The following OTC variants were observed in gnomAD, a reference collection of about 807,000 sequenced individuals.
OTC encodes ornithine transcarbamylase.
A neutral mutation model predicts 30.3 loss-of-function variants in OTC; 3 were observed. The observed-to-expected ratio is 0.10, with a 90% CI of 0.05 to 0.26. OTC has a LOEUF of 0.26. Ranked by LOEUF, OTC falls within the 10% of genes least tolerant of loss-of-function variation. OTC has a pLI of 1.00. For synonymous variants in OTC, 111 were observed against 99.7 expected (o/e 1.11, Z -0.67); for missense variants, 194 against 260.3 (o/e 0.75, Z 1.75).
At chrX:38,405,866 A>G (rs1006494875) in intron 6 of OTC, among the ~76,000 whole-genome samples, 1 of 112,248 alleles carries the variant, frequency 8.9e-6, no homozygotes, top group African/African-American at 3.2e-5. Context: ...TATTAATGCA[A>G]ACTCTTATTG....
At chrX:38,332,504 TTATATATA>T in the OTC span, among the ~76,000 whole-genome samples, 64 of 39,359 alleles carry the variant, frequency 1.6e-3, 2 homozygotes, top group South Asian at 4.4e-3. Context: ...GCCCTAGATT[TTATATATA>T]TATATATATA....
chrX:38,369,555 T>A (rs969538069), intron 2 of OTC, among the ~76,000 whole-genome samples: 1 of 106,964 alleles, frequency 9.3e-6, no homozygotes, highest in Non-Finnish European at 1.9e-5. Context: ...GAGATGGGGT[T>A]TTGCCATGTT....
At chrX:38,359,710 C>G (rs1047966462) in intron 1 of OTC, among the ~76,000 whole-genome samples, 3 of 110,100 alleles carry the variant, frequency 2.7e-5, no homozygotes, top group African/African-American at 9.9e-5. Flanking sequence ...CATGAGCCAC[C>G]GCACCCGGCT....
intron 4 of OTC, among the ~76,000 whole-genome samples, chrX:38,394,068 C>CAA (rs2068442628): frequency 8.9e-6 from 1 of 112,226 alleles, no homozygotes; most frequent in Non-Finnish European, 1.9e-5. Context: ...TATGAATCTT[C>CAA]AAAATTCCTT....
At chrX:38,411,395 G>A (rs980287605) in intron 8 of OTC, among the ~76,000 whole-genome samples, 3 of 109,035 alleles carry the variant, frequency 2.8e-5, no homozygotes, top group Non-Finnish European at 3.8e-5. Context: ...TGCCAGACAC[G>A]GTGGCTCATG....
intron 2 of OTC, among the ~76,000 whole-genome samples, chrX:38,368,939 G>A (rs988924168): frequency 9.2e-6 from 1 of 108,391 alleles, no homozygotes; most frequent in Non-Finnish European, 1.9e-5. Context: ...AGAGGAAGGA[G>A]GAAGCGCCCC....
chrX:38,412,046 A>T (rs202028899), intron 9 of OTC, 47 bp downstream of exon 9: 2 of 1,170,113 alleles, frequency 1.7e-6, no homozygotes. Flanking sequence ...GTGTGGTTCC[A>T]ACTTGGTCAT....
intron 3 of OTC, among the ~76,000 whole-genome samples, chrX:38,370,162 A>G (rs968886226): frequency 3.5e-4 from 39 of 112,862 alleles, no homozygotes; most frequent in Non-Finnish European, 7.1e-4. Context: ...ACACATTTTC[A>G]GGCCTTGAAC....
chrX:38,377,403 C>T (rs1156470259), intron 3 of OTC, among the ~76,000 whole-genome samples: 1 of 110,985 alleles, frequency 9.0e-6, no homozygotes, highest in Non-Finnish European at 1.9e-5. Flanking sequence ...TCTTAAAGAA[C>T]TGGAAAAGCA....
chrX:38,348,599 C>T (rs2147313721), upstream of OTC, among the ~76,000 whole-genome samples: 1 of 97,401 alleles, frequency 1.0e-5, no homozygotes, highest in South Asian at 5.2e-4. Context: ...TGCAGTGGCG[C>T]AATCTCGGCT....
chrX:38,416,293 C>T (rs1304645174), intron 9 of OTC, among the ~76,000 whole-genome samples: 1 of 111,120 alleles, frequency 9.0e-6, no homozygotes, highest in Non-Finnish European at 1.9e-5. Context: ...TCACTAATCG[C>T]ATCATTCTCT....
At chrX:38,358,533 C>A (rs1383091710) in intron 1 of OTC, among the ~76,000 whole-genome samples, 1 of 110,771 alleles carries the variant, frequency 9.0e-6, no homozygotes, top group Non-Finnish European at 1.9e-5. Flanking sequence ...GCCCCACCTC[C>A]TGGATGGAAT....
chrX:38,385,018 A>G (rs962656540), intron 4 of OTC, among the ~76,000 whole-genome samples: 6 of 111,161 alleles, frequency 5.4e-5, no homozygotes, highest in African/African-American at 2.0e-4. Context: ...TAATCCTAGC[A>G]CTTTGGGAAG....
In OTC at chrX:38,369,849, T is replaced by C. The variant is rs72554342; in HGVS notation, c.270T>C (p.Ser90=). The change falls in exon 3 of 10, where the codon AGT becomes AGC. Residue 90 remains serine (S), a synonymous_variant. Coordinates refer to ENST00000039007, the MANE Select transcript of OTC (RefSeq NM_000531.6). ...TAGGCATGATTTTTGAGAAAAGAAG[T>C]ACTCGAACAAGATTGTCTACAGAAA... The part of the protein sequence containing the change: ...KSLGMIFEKR[S]TRTRLSTETG... 5.0e-6 allele frequency: 6 copies of C among 1,198,207 alleles called. No homozygotes were observed. Among genetic ancestry groups the C allele is most frequent in the Admixed American group, 4.4e-5 (2 of 45,721 alleles).
intron 4 of OTC, among the ~76,000 whole-genome samples, chrX:38,399,556 C>T: frequency 9.0e-6 from 1 of 110,681 alleles, no homozygotes; most frequent in African/African-American, 3.3e-5. Flanking sequence ...TGAGACCAGC[C>T]TGGCCAACAT....
chrX:38,369,420 T>C (rs888437018), intron 2 of OTC, among the ~76,000 whole-genome samples: 5 of 110,287 alleles, frequency 4.5e-5, no homozygotes, highest in African/African-American at 1.7e-4. Context: ...AGATCTTGGC[T>C]CACTGCAACC....
intron 9 of OTC, among the ~76,000 whole-genome samples, chrX:38,417,387 A>G (rs1333006732): frequency 9.0e-6 from 1 of 111,497 alleles, no homozygotes; most frequent in African/African-American, 3.3e-5. Context: ...TTCATATGAA[A>G]AATGAGGATA....
chrX:38,405,643 A>G (rs1400676642), intron 6 of OTC, among the ~76,000 whole-genome samples: 1 of 111,966 alleles, frequency 8.9e-6, no homozygotes, highest in African/African-American at 3.2e-5. Context: ...CACCTGCCAT[A>G]GAAAAAATGT....
the OTC span, among the ~76,000 whole-genome samples, chrX:38,342,574 T>A: frequency 3.6e-5 from 4 of 111,885 alleles, no homozygotes; most frequent in African/African-American, 1.3e-4. Flanking sequence ...GAGCTGCTAG[T>A]ACTGCTTGCC....
Sources: allele counts gnomAD v4.1 joint callset (sites outside exome capture counted in the v4.1 genomes callset), GRCh38; gene constraint gnomAD v4.1.1; transcripts MANE v1.5; gene names NCBI Gene and HGNC (gene_info 2026-07-23, HGNC 2026-07-21).